TTC29: variants seen among roughly 807,000 people sequenced by gnomAD.
TTC29 encodes the protein tetratricopeptide repeat protein 29.
In TTC29, 49 loss-of-function variants were observed where a neutral mutation model predicts 58.1. The observed-to-expected ratio is 0.84, with a 90% confidence interval of 0.67 to 1.07. TTC29 has a LOEUF of 1.07. Ranked by LOEUF, TTC29 falls within the 50% of genes least tolerant of loss-of-function variation. The pLI, the probability that TTC29 is intolerant of heterozygous loss-of-function variation, is 0.00. For synonymous variants in TTC29, 209 were observed against 196.8 expected, an observed-to-expected ratio of 1.06 and a Z score of -0.52; for missense variants, 582 against 555.6, an observed-to-expected ratio of 1.05 and a Z score of -0.48.
chr4:146,862,311 C>T (rs1050706673), intron 8 of TTC29, among the ~76,000 whole-genome samples: 3 of 151,382 alleles, frequency 2.0e-5, no homozygotes, highest in African/African-American at 7.3e-5. Flanking sequence ...GGAGTGCTCT[C>T]TCCTGCTATA....
At chr4:146,844,318 G>A (rs1026618002) in intron 8 of TTC29, among the ~76,000 whole-genome samples, 1 of 152,034 alleles carries the variant, frequency 6.6e-6, no homozygotes, top group African/African-American at 2.4e-5. Flanking sequence ...TAGTAAATTG[G>A]AACATACAGC....
intron 5 of TTC29, among the ~76,000 whole-genome samples, 185 bp from the exon 6 acceptor site, chr4:146,903,914 G>A (rs544576680): frequency 6.6e-6 from 1 of 152,206 alleles, no homozygotes; most frequent in Admixed American, 6.6e-5. Context: ...ATTAATTAAA[G>A]GATGTGCAGA....
chr4:146,731,690 G>A (rs1313357312), intron 11 of TTC29, among the ~76,000 whole-genome samples: 1 of 152,236 alleles, frequency 6.6e-6, no homozygotes, highest in East Asian at 1.9e-4. Context: ...TTGACAAATT[G>A]GGAAAATTGG....
At chr4:146,791,383 T>C (rs947242078) in intron 11 of TTC29, among the ~76,000 whole-genome samples, 1 of 152,224 alleles carries the variant, frequency 6.6e-6, no homozygotes, top group Non-Finnish European at 1.5e-5. Context: ...ACATCTGTTA[T>C]GGTGATCTGA....
chr4:146,766,616 C>G (rs2150069137), intron 11 of TTC29, among the ~76,000 whole-genome samples: 1 of 152,060 alleles, frequency 6.6e-6, no homozygotes, highest in Non-Finnish European at 1.5e-5. Context: ...AGCTATTAGT[C>G]TCATTATTGC....
chr4:146,887,236 A>C (rs1732047174), intron 6 of TTC29, among the ~76,000 whole-genome samples: 1 of 152,206 alleles, frequency 6.6e-6, no homozygotes, highest in African/African-American at 2.4e-5. Context: ...AACATAAAAA[A>C]GAAACAAAAT....
At chr4:146,829,117 T>C (rs926557849) in intron 9 of TTC29, among the ~76,000 whole-genome samples, 19 of 152,328 alleles carry the variant, frequency 1.2e-4, no homozygotes, top group African/African-American at 4.1e-4. Flanking sequence ...TTAAATTCAT[T>C]CAACCAGACC....
chr4:146,735,797 C>A (rs1255903270), intron 11 of TTC29, among the ~76,000 whole-genome samples: 1 of 152,150 alleles, frequency 6.6e-6, no homozygotes, highest in Non-Finnish European at 1.5e-5. Context: ...AACAACAGTT[C>A]GAGAAGCCTT....
At chr4:146,746,468 T>C (rs1316552958) in intron 11 of TTC29, among the ~76,000 whole-genome samples, 2 of 152,238 alleles carry the variant, frequency 1.3e-5, no homozygotes, top group Admixed American at 1.3e-4. Flanking sequence ...GTTTGATAGT[T>C]TGATGGTGAA....
chr4:146,873,077 T>C (rs1731037144), intron 7 of TTC29, among the ~76,000 whole-genome samples: 1 of 152,164 alleles, frequency 6.6e-6, no homozygotes, highest in Non-Finnish European at 1.5e-5. Flanking sequence ...AGGTGTTGGC[T>C]GATGCTACAC....
At chr4:146,811,589 G>A (rs1277930175) in intron 10 of TTC29, among the ~76,000 whole-genome samples, 1 of 152,062 alleles carries the variant, frequency 6.6e-6, no homozygotes, top group East Asian at 1.9e-4. Context: ...CCCTTACATG[G>A]GAGAAAGTTT....
intron 4 of TTC29, among the ~76,000 whole-genome samples, chr4:146,927,037 C>T (rs13151973): frequency 7.5e-5 from 11 of 146,516 alleles, no homozygotes; most frequent in Non-Finnish European, 1.2e-4. Context: ...GTGGAGATTG[C>T]GCCACTGCAC....
At chr4:146,861,169 C>T (rs1003916347) in intron 8 of TTC29, among the ~76,000 whole-genome samples, 5 of 152,144 alleles carry the variant, frequency 3.3e-5, no homozygotes, top group South Asian at 2.1e-4. Context: ...TAAAAACGAA[C>T]GGCTAAGAGA....
intron 10 of TTC29, among the ~76,000 whole-genome samples, chr4:146,811,379 G>A (rs1288033617): frequency 2.6e-5 from 4 of 152,086 alleles, no homozygotes; most frequent in Non-Finnish European, 4.4e-5. Flanking sequence ...AAATCCTCAT[G>A]AAAATCTCTT....
intron 10 of TTC29, among the ~76,000 whole-genome samples, chr4:146,811,871 G>A (rs146585000): frequency 3.9e-5 from 6 of 152,262 alleles, no homozygotes; most frequent in Admixed American, 6.5e-5. Context: ...TGCCCACACA[G>A]ACAGTTTAGG....
intron 11 of TTC29, among the ~76,000 whole-genome samples, chr4:146,719,159 C>T (rs1313018002): frequency 6.8e-6 from 1 of 147,646 alleles, no homozygotes; most frequent in East Asian, 2.0e-4. Flanking sequence ...CAGATTTGTT[C>T]TTTTTGCTCA....
intron 2 of TTC29, chr4:146,942,692 AT>A: frequency 7.0e-7 from 1 of 1,420,408 alleles, no homozygotes; most frequent in Non-Finnish European, 9.4e-7. Context: ...GCCCTAGTAA[AT>A]TTAAAAAGGG....
chr4:146,828,998 A>T (rs1727988341), intron 9 of TTC29, among the ~76,000 whole-genome samples: 1 of 152,228 alleles, frequency 6.6e-6, no homozygotes. Flanking sequence ...GGTACAGCTT[A>T]TTTGTATAAG....
chr4:146,789,062 C>A (rs1240422925), intron 11 of TTC29, among the ~76,000 whole-genome samples: 1 of 152,070 alleles, frequency 6.6e-6, no homozygotes, highest in Non-Finnish European at 1.5e-5. Context: ...TAATGTTCTG[C>A]AGTACTAATA....
Sources: gnomAD v4.1 joint callset for allele counts (sites outside exome capture counted in the v4.1 genomes callset) on GRCh38, gnomAD v4.1.1 for gene constraint, MANE v1.5 for transcripts, NCBI Gene and HGNC (gene_info 2026-07-23, HGNC 2026-07-21) for gene names.